RIN3: variants seen among roughly 807,000 people sequenced by gnomAD.
RIN3 encodes Ras and Rab interactor 3.
RIN3 carries 54 observed loss-of-function variants against 76.3 expected under a neutral mutation model. That is an observed-to-expected ratio of 0.71 (90% confidence interval 0.57 to 0.89). The LOEUF (loss-of-function observed/expected upper bound fraction) is 0.89, where lower values mean the gene tolerates loss of function less well. RIN3 is among the 40% of genes least tolerant of loss of function. The pLI, the probability that RIN3 is intolerant of heterozygous loss-of-function variation, is 0.00. For synonymous variants in RIN3, 576 were observed against 564.0 expected, an observed-to-expected ratio of 1.02 and a Z score of -0.30; for missense variants, 1,256 against 1,322.1, an observed-to-expected ratio of 0.95 and a Z score of 0.78.
chr14:92,529,246 T>C (rs2140001979), intron 1 of RIN3, among the ~76,000 whole-genome samples: 1 of 152,030 alleles, frequency 6.6e-6, no homozygotes, highest in South Asian at 2.1e-4. Flanking sequence ...GATCAACCTT[T>C]TTTTTTCTTT....
chr14:92,661,541 T>C (rs550491765), intron 7 of RIN3, among the ~76,000 whole-genome samples: 4 of 152,186 alleles, frequency 2.6e-5, no homozygotes, highest in African/African-American at 9.6e-5. Flanking sequence ...CTGGCCAACA[T>C]GGTGAAACCC....
chr14:92,567,942 G>A (rs1897959724), intron 2 of RIN3, among the ~76,000 whole-genome samples: 2 of 152,164 alleles, frequency 1.3e-5, no homozygotes, highest in Admixed American at 1.3e-4. Flanking sequence ...AAGTTATTAA[G>A]TACATTTTCT....
intron 9 of RIN3, chr14:92,687,676 C>T (rs1312348760): frequency 3.9e-6 from 2 of 506,842 alleles, no homozygotes; most frequent in Non-Finnish European, 6.9e-6. Flanking sequence ...GCGCCGGCTC[C>T]TCTTTGCAGG....
chr14:92,553,026 T>TA lies in RIN3; in HGVS notation c.45-2703dup, dbSNP rs55684274. On this transcript the variant is annotated intron_variant, in intron 1 of 9. Coordinates refer to ENST00000216487, the MANE Select transcript of RIN3 (RefSeq NM_024832.5). The stretch of plus-strand genomic sequence containing the variant: ...TTGATCGCAGCTTTGGTTCTGCAGG[T>TA]AAAAAAAAAAAAAAAAAAAAAATGG... Among the ~76,000 whole-genome samples, 426 of 123,212 alleles carry TA rather than the reference T, an allele frequency of 3.5e-3. 1 individual carries two copies. Among genetic ancestry groups the TA allele is most frequent in the Non-Finnish European group, 5.1e-3 (305 of 60,086 alleles). 80.8% of individuals were successfully genotyped at this position (123,212 alleles called of 152,430 possible).
chr14:92,561,144 T>TA, intron 2 of RIN3, among the ~76,000 whole-genome samples: 1 of 49,042 alleles, frequency 2.0e-5, no homozygotes, highest in African/African-American at 6.6e-5. Context: ...TTTATATATA[T>TA]TTTTATATAT....
intron 3 of RIN3, 109 bp from the exon 4 acceptor site, chr14:92,615,298 A>G: frequency 1.1e-6 from 1 of 873,672 alleles, no homozygotes; most frequent in Non-Finnish European, 1.9e-6. Flanking sequence ...CATGGGACCC[A>G]GAATGTGTGC....
chr14:92,634,857 A>G (rs1389703054), intron 4 of RIN3, among the ~76,000 whole-genome samples: 1 of 56,706 alleles, frequency 1.8e-5, no homozygotes, highest in Non-Finnish European at 3.2e-5. Flanking sequence ...GACTCTATCT[A>G]AAAAAAAAAA....
chr14:92,675,538 T>G (rs554529451), intron 7 of RIN3, among the ~76,000 whole-genome samples: 15 of 152,328 alleles, frequency 9.8e-5, no homozygotes, highest in Non-Finnish European at 1.9e-4. Context: ...TGCCTGAGCC[T>G]TGGACTCCCT....
At chr14:92,676,696 C>T in intron 8 of RIN3, 90 bp downstream of exon 8, 1 of 1,427,616 alleles carries the variant, frequency 7.0e-7, no homozygotes, top group Non-Finnish European at 9.6e-7. Flanking sequence ...CAAGCACCTC[C>T]TGGATGCCAG....
intron 1 of RIN3, among the ~76,000 whole-genome samples, chr14:92,543,331 C>T (rs897904550): frequency 3.3e-5 from 5 of 152,108 alleles, no homozygotes; most frequent in African/African-American, 7.2e-5. Context: ...TTCAGGGGAA[C>T]GGATTTCATC....
At chr14:92,628,661 C>T (rs1347249940) in intron 4 of RIN3, among the ~76,000 whole-genome samples, 1 of 152,172 alleles carries the variant, frequency 6.6e-6, no homozygotes, top group Non-Finnish European at 1.5e-5. Context: ...GGGTGGGTTT[C>T]TTTTGCCCTT....
intron 4 of RIN3, chr14:92,615,730 C>A: frequency 2.0e-6 from 1 of 502,974 alleles, no homozygotes; most frequent in Non-Finnish European, 3.6e-6. Context: ...TCTCAGCTTC[C>A]TGTATCATCA....
intron 3 of RIN3, among the ~76,000 whole-genome samples, chr14:92,579,734 G>C (rs542683037): frequency 6.6e-6 from 1 of 152,388 alleles, no homozygotes; most frequent in African/African-American, 2.4e-5. Flanking sequence ...CAAAGATGAA[G>C]AAAACAGAGT....
At chr14:92,524,078 C>G (rs576431676) in intron 1 of RIN3, among the ~76,000 whole-genome samples, 2 of 152,316 alleles carry the variant, frequency 1.3e-5, no homozygotes, top group East Asian at 1.9e-4. Context: ...CTTGTAGTCA[C>G]AGCTACTCGG....
At chr14:92,634,064 A>C in intron 4 of RIN3, among the ~76,000 whole-genome samples, 1 of 121,026 alleles carries the variant, frequency 8.3e-6, no homozygotes. Flanking sequence ...TATTCTAAAA[A>C]TCCCTTTTTT....
intron 8 of RIN3, among the ~76,000 whole-genome samples, chr14:92,683,477 C>T (rs1595509964): frequency 6.6e-6 from 1 of 152,176 alleles, no homozygotes; most frequent in African/African-American, 2.4e-5. Context: ...TTGTAAGCAT[C>T]GTGTAAAATA....
intron 3 of RIN3, among the ~76,000 whole-genome samples, 171 bp from the exon 4 acceptor site, chr14:92,615,232 CACTT>C (rs2140103290): frequency 1.3e-5 from 2 of 152,252 alleles, no homozygotes; most frequent in South Asian, 4.1e-4. Flanking sequence ...TTCCATTTCT[CACTT>C]ACCTAAGGTC....
intron 1 of RIN3, among the ~76,000 whole-genome samples, chr14:92,541,807 T>G (rs1897137450): frequency 6.6e-6 from 1 of 152,204 alleles, no homozygotes; most frequent in African/African-American, 2.4e-5. Context: ...TTATAACTTT[T>G]ATGTTTCAAA....
At chr14:92,599,822 C>T (rs1361510798) in intron 3 of RIN3, among the ~76,000 whole-genome samples, 1 of 152,192 alleles carries the variant, frequency 6.6e-6, no homozygotes, top group African/African-American at 2.4e-5. Context: ...TACTCTGTTC[C>T]TATAGGGCTA....
Sources: allele counts gnomAD v4.1 joint callset (sites outside exome capture counted in the v4.1 genomes callset), GRCh38; gene constraint gnomAD v4.1.1; transcripts MANE v1.5; gene names NCBI Gene and HGNC (gene_info 2026-07-23, HGNC 2026-07-21).